Variants in GPD1L observed in about 807,000 individuals in gnomAD.
GPD1L encodes glycerol-3-phosphate dehydrogenase 1-like protein.
A neutral mutation model predicts 32.9 loss-of-function variants in GPD1L; 17 were observed. That is an observed-to-expected ratio of 0.52 (90% confidence interval 0.35 to 0.78). The LOEUF (loss-of-function observed/expected upper bound fraction) is 0.78. GPD1L is among the 30% of genes least tolerant of loss of function. The probability of loss-of-function intolerance (pLI) is 0.01; values close to 1 mark genes in which losing one functional copy is unlikely to be tolerated. For synonymous variants in GPD1L, 187 were observed against 165.9 expected (o/e 1.13, Z -0.98); for missense variants, 361 against 447.8 (o/e 0.81, Z 1.75).
In GPD1L at chr3:32,137,464, AAGG is replaced by A. The variant is rs1412870725; in HGVS notation, c.226-1120_226-1118del. ...CCTTCACATTCCCACTGGCAAAAGG[AAGG>A]AGAAGGACCTTCCAGGACATTTTCT... is the stretch of plus-strand genomic sequence containing the variant. On this transcript the variant is annotated intron_variant, in intron 2 of 7. Coordinates refer to ENST00000282541, the MANE Select transcript of GPD1L (RefSeq NM_015141.4). Among the ~76,000 whole-genome samples the A allele has an allele frequency of 2.0e-5, 3 of 152,186 alleles. No individual in the cohort carries two copies. In the East Asian group the frequency reaches 5.8e-4, roughly 29 times the overall value.
chr3:32,130,200 T>A (rs1035333552), intron 2 of GPD1L, among the ~76,000 whole-genome samples: 6 of 152,094 alleles, frequency 3.9e-5, no homozygotes, highest in Admixed American at 3.9e-4. Context: ...CCCACTTGAC[T>A]GACTCCACCA....
intron 4 of GPD1L, among the ~76,000 whole-genome samples, chr3:32,144,657 G>A (rs1376519932): frequency 6.6e-6 from 1 of 151,998 alleles, no homozygotes; most frequent in Non-Finnish European, 1.5e-5. Context: ...TGCTTGCCAT[G>A]TCACTGTTTA....
chr3:32,162,494 T>C (rs1701086720), intron 7 of GPD1L, among the ~76,000 whole-genome samples: 1 of 94,016 alleles, frequency 1.1e-5, no homozygotes, highest in Non-Finnish European at 2.0e-5. Flanking sequence ...CAAGCCATTC[T>C]CCTGCCTCAG....
At chr3:32,114,994 A>C (rs1252835316) in intron 1 of GPD1L, among the ~76,000 whole-genome samples, 2 of 152,240 alleles carry the variant, frequency 1.3e-5, no homozygotes, top group Non-Finnish European at 2.9e-5. Flanking sequence ...AGTGAGCAGC[A>C]GCAAGATTTA....
At chr3:32,145,404 T>C (rs1042118632) in intron 4 of GPD1L, among the ~76,000 whole-genome samples, 1 of 152,212 alleles carries the variant, frequency 6.6e-6, no homozygotes, top group Non-Finnish European at 1.5e-5. Context: ...ATGAGATTGC[T>C]ATAAATCAAG....
At chr3:32,124,790 G>A (rs567693797) in intron 1 of GPD1L, among the ~76,000 whole-genome samples, 33 of 152,174 alleles carry the variant, frequency 2.2e-4, no homozygotes, top group East Asian at 9.7e-4. Flanking sequence ...TTAGCTGGGC[G>A]TGGTGGCACA....
At chr3:32,121,723 C>CTA (rs1228642198) in intron 1 of GPD1L, among the ~76,000 whole-genome samples, 10 of 117,292 alleles carry the variant, frequency 8.5e-5, no homozygotes, top group African/African-American at 2.6e-4. Context: ...ACATATATTT[C>CTA]TATATATATA....
chr3:32,124,859 G>A (rs1209249650), intron 1 of GPD1L, among the ~76,000 whole-genome samples: 1 of 151,978 alleles, frequency 6.6e-6, no homozygotes, highest in Non-Finnish European at 1.5e-5. Context: ...GGAGGTCAAG[G>A]CTGCAGTGAG....
intron 4 of GPD1L, 102 bp from the exon 5 acceptor site, chr3:32,146,520 G>A: frequency 2.6e-6 from 2 of 762,596 alleles, no homozygotes; most frequent in Non-Finnish European, 2.4e-6. Flanking sequence ...TCATGAACAT[G>A]TTACTTTTAT....
At position 32,159,712 on chromosome 3, in the gene GPD1L, C is replaced by T. The variant is rs142955213; in HGVS notation, c.959+38C>T. On this transcript the variant is annotated intron_variant, in intron 7 of 7. Coordinates refer to ENST00000282541, the MANE Select transcript of GPD1L (RefSeq NM_015141.4). Reference sequence around the variant, plus strand: ...GTCGCCCATGAGACCAGATAAATGTCCATCATTCCTATTCTCAGGACTTCC... The same window carrying T: ...GTCGCCCATGAGACCAGATAAATGTTCATCATTCCTATTCTCAGGACTTCC... The T allele has an allele frequency of 2.2e-4, 268 of 1,195,880 alleles. 1 individual carries two copies. The highest frequency in any genetic ancestry group is 2.1e-4 in the Non-Finnish European group (171 of 798,664). The allele number at this position is 1,195,880 out of a possible 1,614,324, so 74.1% of individuals were successfully genotyped here. A position where few individuals can be genotyped will look rare whatever the true frequency, so the allele number is the denominator to read the frequency against.
At chr3:32,126,895 G>A (rs918373186) in intron 1 of GPD1L, among the ~76,000 whole-genome samples, 17 of 151,876 alleles carry the variant, frequency 1.1e-4, no homozygotes, top group African/African-American at 3.6e-4. Flanking sequence ...TAAATCTCCC[G>A]GGTAACTCTG....
At position 32,159,653 on chromosome 3, in the gene GPD1L, A is replaced by G. The variant is rs746059043; in HGVS notation, c.938A>G (p.Lys313Arg). The G allele has an allele frequency of 3.7e-6, 6 of 1,607,952 alleles. No homozygotes were observed. The highest frequency in any genetic ancestry group is 1.3e-5 in the African/African-American group (1 of 74,892). The change falls in exon 7 of 8, where the codon AAA becomes AGA. Residue 313 changes from lysine (K) to arginine (R), a missense_variant. By Grantham distance (26) the Lys-to-Arg change is conservative. Coordinates refer to ENST00000282541, the MANE Select transcript of GPD1L (RefSeq NM_015141.4). ...QTSAEVYRILKQKGLLDKFPL... is the reference protein window; with the variant it reads ...QTSAEVYRILRQKGLLDKFPL... ...TCTGCTGAAGTGTACCGCATCCTCA[A>G]ACAGAAGGGACTACTGGACAAGTAA... is the stretch of plus-strand genomic sequence containing the variant.
rs942589023 is a variant in GPD1L, at chr3:32,167,906, A to G, written c.*1996A>G. ...TCCAAGTTTCAGCAGTTTTAGCGCCACCATTAACCCACTTTGCTTGTCTCA... is the reference window on the plus strand; with the variant it reads ...TCCAAGTTTCAGCAGTTTTAGCGCCGCCATTAACCCACTTTGCTTGTCTCA... On this transcript the variant is annotated 3_prime_UTR_variant, in exon 8 of 8. Transcript: ENST00000282541. The G allele has an allele frequency of 6.6e-6, 1 of 152,210 alleles. No homozygotes were observed. Among genetic ancestry groups the G allele is most frequent in the African/African-American group, 2.4e-5 (1 of 41,436 alleles). 9.4% of individuals were successfully genotyped at this position (152,210 alleles called of 1,614,324 possible).
intron 2 of GPD1L, among the ~76,000 whole-genome samples, chr3:32,137,516 T>C (rs936789999): frequency 6.6e-5 from 10 of 152,322 alleles, no homozygotes; most frequent in African/African-American, 2.2e-4. Flanking sequence ...AGCACTTCCA[T>C]TGATGCTCCC....
chr3:32,127,035 A>T (rs962376764), intron 1 of GPD1L, among the ~76,000 whole-genome samples: 2 of 152,152 alleles, frequency 1.3e-5, no homozygotes, highest in Non-Finnish European at 2.9e-5. Context: ...ATATGCTGGG[A>T]TGTATTATAT....
rs770011428 is a variant in GPD1L, at chr3:32,146,728, G to T, written c.612G>T (p.Ala204=). 1 of 1,594,276 alleles carries T rather than the reference G, an allele frequency of 6.3e-7. No homozygotes were observed. The highest frequency in any genetic ancestry group is 8.6e-7 in the Non-Finnish European group (1 of 1,162,368). ...CAGACACTGTTGAACTCTGTGGTGC[G>T]CTTAAGGTAAAGTCAGCCTCAGGGG... The part of the protein sequence containing the change: ...DDADTVELCG[A]LKNIVAVGAG... Residue 204 remains alanine, a synonymous_variant, in exon 5 of 8, where the codon GCG becomes GCT. Transcript: ENST00000282541.
intron 5 of GPD1L, among the ~76,000 whole-genome samples, chr3:32,156,501 A>G (rs1700991589): frequency 6.6e-6 from 1 of 152,186 alleles, no homozygotes; most frequent in African/African-American, 2.4e-5. Context: ...TCCTATCCCC[A>G]TCCTTTATTC....
intron 1 of GPD1L, among the ~76,000 whole-genome samples, chr3:32,122,243 A>G (rs971183335): frequency 2.0e-5 from 3 of 151,898 alleles, no homozygotes; most frequent in African/African-American, 4.9e-5. Context: ...AAGACTCTAC[A>G]CTACAATAGG....
intron 7 of GPD1L, 54 bp downstream of exon 7, chr3:32,159,728 C>T: frequency 9.4e-7 from 1 of 1,064,996 alleles, no homozygotes; most frequent in Non-Finnish European, 1.5e-6. Context: ...TTCCTATTCT[C>T]AGGACTTCCA....
Sources: allele counts gnomAD v4.1 joint callset (sites outside exome capture counted in the v4.1 genomes callset), GRCh38; gene constraint gnomAD v4.1.1; transcripts MANE v1.5; gene names NCBI Gene and HGNC (gene_info 2026-07-23, HGNC 2026-07-21).